DHX35: variants seen among roughly 807,000 people sequenced by gnomAD.
DHX35 encodes the protein DEAH-box helicase 35.
In DHX35, 84 loss-of-function variants were observed where a neutral mutation model predicts 99.6. The observed-to-expected ratio is 0.84, with a 90% CI of 0.71 to 1.01. The LOEUF (loss-of-function observed/expected upper bound fraction) is 1.01, where lower values mean the gene tolerates loss of function less well. DHX35 is among the 50% of genes least tolerant of loss of function. DHX35 has a pLI of 0.00. For synonymous variants in DHX35, 331 were observed against 316.2 expected (o/e 1.05, Z -0.50); for missense variants, 852 against 888.5 (o/e 0.96, Z 0.52).
chr20:39,018,415 G>A (rs2086820445), intron 14 of DHX35, among the ~76,000 whole-genome samples: 1 of 151,998 alleles, frequency 6.6e-6, no homozygotes, highest in African/African-American at 2.4e-5. Context: ...TCAGGAAGAT[G>A]CCTTGCGTTT....
chr20:38,975,689 T>G (rs2086065043), intron 3 of DHX35, among the ~76,000 whole-genome samples: 1 of 152,214 alleles, frequency 6.6e-6, no homozygotes, highest in Non-Finnish European at 1.5e-5. Context: ...CACAAAGGTT[T>G]ATTTCTTGCT....
intron 10 of DHX35, 83 bp downstream of exon 10, chr20:39,002,951 C>T (rs1409537826): frequency 8.8e-7 from 1 of 1,135,944 alleles, no homozygotes; most frequent in Non-Finnish European, 1.3e-6. Context: ...TTTACTCAGT[C>T]ATGTATTTCA....
intron 1 of DHX35, among the ~76,000 whole-genome samples, chr20:38,964,920 T>C (rs2085889092): frequency 6.6e-6 from 1 of 152,126 alleles, no homozygotes; most frequent in Non-Finnish European, 1.5e-5. Context: ...TAGAGGAAGA[T>C]GTGGGAGAAG....
In DHX35 at chr20:39,028,400, T is replaced by C. The variant is rs956005404; in HGVS notation, c.1802-18T>C. ...CAGGCAAGGGTTTCACCCGCCTCTCTGTTGGCTGCCTATGTAGGTGACCCG... is the reference window on the plus strand; with the variant it reads ...CAGGCAAGGGTTTCACCCGCCTCTCCGTTGGCTGCCTATGTAGGTGACCCG... On this transcript the variant is annotated intron_variant, in intron 18 of 21. Coordinates refer to ENST00000252011, the MANE Select transcript of DHX35 (RefSeq NM_021931.4). 3 of 1,614,056 alleles carry C rather than the reference T, an allele frequency of 1.9e-6. No homozygotes were observed.
intron 11 of DHX35, 78 bp downstream of exon 11, chr20:39,003,985 T>TG (rs2086569549): frequency 6.5e-7 from 1 of 1,541,768 alleles, no homozygotes; most frequent in East Asian, 2.3e-5. Context: ...TTTTGAAACT[T>TG]GCTAAACACA....
chr20:39,007,792 A>T (rs1464969981), intron 12 of DHX35, among the ~76,000 whole-genome samples: 1 of 152,218 alleles, frequency 6.6e-6, no homozygotes, highest in East Asian at 1.9e-4. Flanking sequence ...ACCACTGAAG[A>T]TGCTAAGAAG....
At chr20:38,990,982 A>G (rs1408568329) in intron 5 of DHX35, among the ~76,000 whole-genome samples, 2 of 152,224 alleles carry the variant, frequency 1.3e-5, no homozygotes, top group Non-Finnish European at 2.9e-5. Context: ...CTGACACCAT[A>G]GCCCATGTGC....
At chr20:39,032,515 A>G (rs182141478) in intron 20 of DHX35, among the ~76,000 whole-genome samples, 46 of 152,252 alleles carry the variant, frequency 3.0e-4, no homozygotes, top group East Asian at 2.9e-3. Flanking sequence ...TCCTTCTCCA[A>G]TTGGAAGATG....
intron 1 of DHX35, among the ~76,000 whole-genome samples, chr20:38,965,289 A>G (rs1054484104): frequency 2.0e-5 from 3 of 152,238 alleles, no homozygotes; most frequent in Non-Finnish European, 4.4e-5. Context: ...GATGACAGTA[A>G]TACTCTTATT....
At chr20:39,010,564 A>G (rs545162569) in intron 13 of DHX35, among the ~76,000 whole-genome samples, 160 bp downstream of exon 13, 1 of 152,270 alleles carries the variant, frequency 6.6e-6, no homozygotes, top group East Asian at 1.9e-4. Flanking sequence ...GACGTAGGGG[A>G]AAACAGCCAG....
In DHX35 at chr20:39,021,861, G is replaced by A. The variant is rs1365290267; in HGVS notation, c.1519G>A (p.Glu507Lys). ...LESGNFGCSQ[E>K]ILSIAAMMQI... is the part of the protein sequence containing the mutation. ...TACAGGAAACTTCGGCTGTTCTCAG[G>A]AAATTCTAAGCATCGCTGCCATGAT... Residue 507 changes from glutamate (E) to lysine (K), a missense_variant, in exon 16 of 22, where the codon GAA becomes AAA. Glu to Lys is a moderately conservative substitution (Grantham distance 56). Transcript: ENST00000252011. The A allele has an allele frequency of 3.1e-6, 5 of 1,614,000 alleles. No individual in the cohort carries two copies. The African/African-American group carries it at 6.7e-5, about 22-fold the overall frequency.
intron 15 of DHX35, among the ~76,000 whole-genome samples, chr20:39,020,019 G>C (rs1390906393): frequency 6.6e-6 from 1 of 152,010 alleles, no homozygotes; most frequent in Admixed American, 6.6e-5. Flanking sequence ...TATTTCACTT[G>C]GCATAATGTC....
At chr20:39,036,692 C>G (rs2087156391) in intron 21 of DHX35, among the ~76,000 whole-genome samples, 1 of 139,746 alleles carries the variant, frequency 7.2e-6, no homozygotes, top group Non-Finnish European at 1.5e-5. Flanking sequence ...CACCACTGCA[C>G]TCCAGCCTAG....
intron 3 of DHX35, among the ~76,000 whole-genome samples, chr20:38,982,931 T>C (rs2086195516): frequency 6.6e-6 from 1 of 151,546 alleles, no homozygotes; most frequent in Non-Finnish European, 1.5e-5. Flanking sequence ...TCAAATTTTT[T>C]TTTTTTTTTT....
intron 1 of DHX35, 136 bp from the exon 2 acceptor site, chr20:38,968,945 G>A (rs1203618267): frequency 9.4e-7 from 1 of 1,060,064 alleles, no homozygotes; most frequent in Non-Finnish European, 1.3e-6. Context: ...TAAAGTTAAG[G>A]TTGAATACCT....
intron 1 of DHX35, chr20:38,963,001 G>A (rs572699412): frequency 1.8e-4 from 27 of 152,814 alleles, no homozygotes; most frequent in Admixed American, 1.7e-3. Context: ...GGGAAAGTGT[G>A]TTATTTTCTT....
intron 7 of DHX35, among the ~76,000 whole-genome samples, chr20:38,993,788 T>C (rs934494916): frequency 6.6e-6 from 1 of 152,116 alleles, no homozygotes; most frequent in African/African-American, 2.4e-5. Context: ...GTTTTCATCA[T>C]TGCAGAGAGT....
intron 1 of DHX35, among the ~76,000 whole-genome samples, chr20:38,965,972 A>G (rs1189959804): frequency 6.6e-6 from 1 of 152,246 alleles, no homozygotes. Context: ...GCACACATAC[A>G]CAACTGAAGA....
At chr20:39,004,220 A>G (rs899527244) in intron 11 of DHX35, among the ~76,000 whole-genome samples, 31 of 151,710 alleles carry the variant, frequency 2.0e-4, no homozygotes, top group Middle Eastern at 3.4e-3. Context: ...CCGCCACCAC[A>G]CCCGGCTAAT....
Sources: gnomAD v4.1 joint callset for allele counts (sites outside exome capture counted in the v4.1 genomes callset) on GRCh38, gnomAD v4.1.1 for gene constraint, MANE v1.5 for transcripts, NCBI Gene and HGNC (gene_info 2026-07-23, HGNC 2026-07-21) for gene names.